The following LBX2 variants were observed in gnomAD, a reference collection of about 807,000 sequenced individuals.
The protein encoded by LBX2 is ladybird homeobox 2, also known as transcription factor LBX2.
LBX2 carries 6 observed loss-of-function variants against 7.5 expected under a neutral mutation model. That is an observed-to-expected ratio of 0.80 (90% confidence interval 0.44 to 1.59). The LOEUF is 1.59. Ranked by LOEUF, LBX2 falls within the 40% of genes most tolerant of loss-of-function variation. LBX2 has a pLI of 0.01. For missense variants in LBX2, 281 were observed against 282.0 expected (o/e 1.00, Z 0.03); for synonymous variants, 143 against 133.2 (o/e 1.07, Z -0.51).
In LBX2 at chr2:74,499,400, G is replaced by A; in HGVS notation, c.138C>T (p.Cys46=). ...TTTTACTAGTCAGCTCCTCCAGCGCGCACAGCGGCGACGTTGGACCCGGAC... is the reference window on the plus strand; with the variant it reads ...TTTTACTAGTCAGCTCCTCCAGCGCACACAGCGGCGACGTTGGACCCGGAC... The part of the protein sequence containing the change: ...ESGPGPTSPL[C]ALEELTSKTF... The change falls in exon 1 of 2, where the codon TGC becomes TGT. Residue 46 remains cysteine, a synonymous_variant. Coordinates refer to ENST00000377566, the MANE Select transcript of LBX2 (RefSeq NM_001282430.2). The surrounding 1 kb of genome is among the most constrained non-coding windows in gnomAD (Gnocchi z 4.6). The A allele has an allele frequency of 1.3e-6, 2 of 1,550,644 alleles. No individual in the cohort carries two copies. Among genetic ancestry groups the A allele is most frequent in the Non-Finnish European group, 1.7e-6 (2 of 1,147,000 alleles).
At chr2:74,502,710 T>C, upstream of LBX2, 3 of 1,614,202 alleles carry the variant, frequency 1.9e-6, no homozygotes, top group Non-Finnish European at 2.5e-6. The surrounding 1 kb of genome is among the most constrained non-coding windows in gnomAD (Gnocchi z 5.4). Flanking sequence ...CCCTGGACGC[T>C]GTTTTGCAAA....
chr2:74,502,777 G>A, upstream of LBX2: 1 of 1,614,028 alleles, frequency 6.2e-7, no homozygotes, highest in Non-Finnish European at 8.5e-7. This position sits in a 1 kb window ranked among gnomAD's most constrained non-coding sequence, Gnocchi z 5.4. Context: ...AGCAGCCAGC[G>A]GTGGGAAACT....
rs781448315 is a variant in LBX2 at position 74,498,149 on chromosome 2, G to A, written c.375C>T (p.Ala125=). 6.2e-7 allele frequency: 1 copy of A among 1,612,182 alleles called. No homozygotes were observed. The highest frequency in any genetic ancestry group is 8.5e-7 in the Non-Finnish European group (1 of 1,179,038). The change falls in exon 2 of 2, where the codon GCC becomes GCT. Residue 125 remains alanine (A), a synonymous_variant. Transcript: ENST00000377566. ...RDGLATRLGL[A]NAQVVTWFQN... ...GGAACCAAGTGACCACCTGCGCGTT[G>A]GCCAGGCCGAGTCGCGTAGCTAGCC...
upstream of LBX2, chr2:74,501,480 T>G (rs1674482297): frequency 6.6e-6 from 1 of 152,256 alleles, no homozygotes; most frequent in Non-Finnish European, 1.5e-5. Flanking sequence ...TCTCTACCTC[T>G]GCTCTCAATT....
In LBX2 at chr2:74,497,992, G is replaced by A. The variant is rs997866430; in HGVS notation, c.532C>T (p.Leu178Phe). 6 of 1,607,800 alleles carry A rather than the reference G, an allele frequency of 3.7e-6. No homozygotes were observed. The highest frequency in any genetic ancestry group is 5.1e-6 in the Non-Finnish European group (6 of 1,175,510). ...PEGAPDPGLCLGPAGPDSRPH... is the reference protein window; with the variant it reads ...PEGAPDPGLCFGPAGPDSRPH... ...CGGGAGTCAGGGCCGGCAGGGCCGA[G>A]GCAGAGGCCGGGATCTGGAGCGCCT... The change falls in exon 2 of 2, where the codon CTC becomes TTC. Residue 178 changes from leucine (L) to phenylalanine (F), a missense_variant. Coordinates refer to ENST00000377566, the MANE Select transcript of LBX2 (RefSeq NM_001282430.2).
rs184278980 is a variant in LBX2 at position 74,498,310 on chromosome 2, C to G, written c.214G>C (p.Gly72Arg). 2.0e-4 allele frequency: 310 copies of G among 1,539,066 alleles called. No individual in the cohort carries two copies. In the Middle Eastern group the frequency reaches 3.1e-3, roughly 15 times the overall value. Residue 72 changes from glycine to arginine, a missense_variant, in exon 2 of 2, where the codon GGT becomes CGT. By Grantham distance (125) the Gly-to-Arg change is moderately radical. Coordinates refer to ENST00000377566, the MANE Select transcript of LBX2 (RefSeq NM_001282430.2). The stretch of plus-strand genomic sequence containing the variant: ...GGACCAGGGCCCAGCGCGTCCGGAC[C>G]TGCCCGCCCTGTAGGGATAGGGAGG... ...RALQPSEGRAGPDALGPGPFG... is the reference protein window; with the variant it reads ...RALQPSEGRARPDALGPGPFG...
intron 1 of LBX2, chr2:74,498,744 T>G: frequency 4.8e-6 from 1 of 208,920 alleles, no homozygotes; most frequent in Non-Finnish European, 9.6e-6. Flanking sequence ...GATCATGCCC[T>G]TCCATGGATC....
upstream of LBX2, among the ~76,000 whole-genome samples, chr2:74,501,215 A>G (rs546143052): frequency 6.8e-4 from 103 of 152,262 alleles, no homozygotes; most frequent in African/African-American, 2.4e-3. Context: ...CAAAGAGCAG[A>G]GCCAGGCCAT....
upstream of LBX2, chr2:74,502,299 C>T: frequency 3.8e-6 from 1 of 260,278 alleles, no homozygotes; most frequent in Non-Finnish European, 7.3e-6. The surrounding 1 kb of genome is among the most constrained non-coding windows in gnomAD (Gnocchi z 5.4). Context: ...CCCGGGCCGC[C>T]CCCGCTCGAC....
chr2:74,502,952 T>C (rs1040643016), upstream of LBX2: 22 of 1,110,756 alleles, frequency 2.0e-5, no homozygotes, highest in Non-Finnish European at 6.4e-6. The surrounding 1 kb of genome is among the most constrained non-coding windows in gnomAD (Gnocchi z 5.4). Flanking sequence ...CGCCTTTGGA[T>C]GTGAGTCCTG....
rs759726318 is a variant in LBX2, at chr2:74,499,557, G to T, written c.-20C>A. 2 of 1,540,594 alleles carry T rather than the reference G, an allele frequency of 1.3e-6. No homozygotes were observed. Among genetic ancestry groups the T allele is most frequent in the South Asian group, 2.4e-5 (2 of 83,722 alleles). On this transcript the variant is annotated 5_prime_UTR_variant, in exon 1 of 2. Coordinates refer to ENST00000377566, the MANE Select transcript of LBX2 (RefSeq NM_001282430.2). The surrounding 1 kb of genome is among the most constrained non-coding windows in gnomAD (Gnocchi z 4.6). ...GTTCATGGTCGGCCGGGCTGGGGCG[G>T]TCCGGCTGTCCGTTGCGCTAGGCTC...
rs1164429702 is a variant in LBX2 at position 74,497,959 on chromosome 2, G to C, written c.565C>G (p.Leu189Val). Residue 189 changes from leucine (L) to valine (V), a missense_variant, in exon 2 of 2, where the codon CTG becomes GTG. This residue lies in a region of LBX2 where 59 missense variants were observed against 52.9 expected (regional missense o/e 1.11). Transcript: ENST00000377566. ...TCCACCTGTATCTCCTCGTCTGACA[G>C]GTGGGGCCGGGAGTCAGGGCCGGCA... The part of the protein sequence containing the change: ...GPAGPDSRPH[L>V]SDEEIQVDD 7.5e-6 allele frequency: 12 copies of C among 1,597,858 alleles called. No homozygotes were observed. The highest frequency in any genetic ancestry group is 1.7e-5 in the Admixed American group (1 of 58,000).
chr2:74,502,958 TC>T (rs1185325880), upstream of LBX2: 122 of 1,042,240 alleles, frequency 1.2e-4, no homozygotes, highest in East Asian at 2.9e-3. The surrounding 1 kb of genome is among the most constrained non-coding windows in gnomAD (Gnocchi z 5.4). Context: ...TGGATGTGAG[TC>T]CTGGAAATGG....
rs755169116 is a variant in LBX2, at chr2:74,499,381, T to G, written c.157A>C (p.Ser53Arg). 1.9e-6 allele frequency: 3 copies of G among 1,550,480 alleles called. No individual in the cohort carries two copies. Among genetic ancestry groups the G allele is most frequent in the African/African-American group, 1.4e-5 (1 of 73,052 alleles). The change falls in exon 1 of 2, where the codon AGT becomes CGT. Residue 53 changes from serine (S) to arginine (R), a missense_variant. Around this residue, in one of 3 missense-constraint regions of LBX2, gnomAD observed 216 missense variants for 208.7 expected, o/e 1.03. Coordinates refer to ENST00000377566, the MANE Select transcript of LBX2 (RefSeq NM_001282430.2). The surrounding 1 kb of genome is among the most constrained non-coding windows in gnomAD (Gnocchi z 4.6). Reference sequence around the variant, plus strand: ...GCGTCAAGTCCGCGGAAAGTTTTACTAGTCAGCTCCTCCAGCGCGCACAGC... The same window carrying G: ...GCGTCAAGTCCGCGGAAAGTTTTACGAGTCAGCTCCTCCAGCGCGCACAGC... Reference protein sequence around the residue: ...SPLCALEELTSKTFRGLDARA... With the variant: ...SPLCALEELTRKTFRGLDARA...
upstream of LBX2, chr2:74,502,590 C>T (rs1210311971): frequency 6.9e-7 from 1 of 1,458,742 alleles, no homozygotes; most frequent in Non-Finnish European, 9.5e-7. This position sits in a 1 kb window ranked among gnomAD's most constrained non-coding sequence, Gnocchi z 5.4. Flanking sequence ...GTCCGTCCCG[C>T]ACACTTCTGG....
At chr2:74,502,872 A>C (rs1558593253), upstream of LBX2, 18 of 1,587,126 alleles carry the variant, frequency 1.1e-5, no homozygotes, top group East Asian at 2.3e-5. This position sits in a 1 kb window ranked among gnomAD's most constrained non-coding sequence, Gnocchi z 5.4. Context: ...AGCCCTGGGA[A>C]AGACTGGCCA....
chr2:74,497,858 T>C lies in LBX2; in HGVS notation c.*69A>G, dbSNP rs1674385690. Reference sequence around the variant, plus strand: ...ACCTCCTTCCTCCACCCTGGAACTCTGGCCAGAGGCAGAGCGCGAGGTGAG... The same window carrying C: ...ACCTCCTTCCTCCACCCTGGAACTCCGGCCAGAGGCAGAGCGCGAGGTGAG... On this transcript the variant is annotated 3_prime_UTR_variant, in exon 2 of 2. Coordinates refer to ENST00000377566, the MANE Select transcript of LBX2 (RefSeq NM_001282430.2). 1 of 1,449,536 alleles carries C rather than the reference T, an allele frequency of 6.9e-7. No homozygotes were observed. The highest frequency in any genetic ancestry group is 9.1e-7 in the Non-Finnish European group (1 of 1,095,778). The allele number at this position is 1,449,536 out of a possible 1,614,324, so 89.8% of individuals were successfully genotyped here. A position where few individuals can be genotyped will look rare whatever the true frequency, so the allele number is the denominator to read the frequency against.
Position 74,498,165 on chromosome 2 carries a change from G to C in LBX2, c.359C>G (p.Thr120Arg). 1 of 1,612,498 alleles carries C rather than the reference G, an allele frequency of 6.2e-7. No individual in the cohort carries two copies. The highest frequency in any genetic ancestry group is 8.5e-7 in the Non-Finnish European group (1 of 1,179,370). The change falls in exon 2 of 2, where the codon ACG becomes AGG. Residue 120 changes from threonine to arginine, a missense_variant. By Grantham distance (71) the Thr-to-Arg change is moderately conservative. Transcript: ENST00000377566. ...LAPSERDGLA[T>R]RLGLANAQVV... ...CTGCGCGTTGGCCAGGCCGAGTCGC[G>C]TAGCTAGCCCGTCTCGCTCGGACGG...
chr2:74,502,804 C>G, upstream of LBX2: 3 of 1,613,892 alleles, frequency 1.9e-6, no homozygotes, highest in Non-Finnish European at 2.5e-6. This position sits in a 1 kb window ranked among gnomAD's most constrained non-coding sequence, Gnocchi z 5.4. Flanking sequence ...CCCTCCTCGA[C>G]ACTTTTCTCC....
Sources: gnomAD v4.1 joint callset for allele counts (sites outside exome capture counted in the v4.1 genomes callset) on GRCh38, gnomAD v4.1.1 for gene constraint, gnomAD v4.1.1 regional missense constraint, Gnocchi (gnomAD v3.1) non-coding constraint, MANE v1.5 for transcripts, NCBI Gene and HGNC (gene_info 2026-07-23, HGNC 2026-07-21) for gene names.